The following UBE2E2 variants were observed in gnomAD, a reference collection of about 807,000 sequenced individuals.
UBE2E2 encodes the protein ubiquitin-conjugating enzyme E2 E2.
Under a neutral mutation model 24.7 loss-of-function variants are expected in UBE2E2, and 6 were observed. The ratio of observed to expected loss-of-function variants is 0.24; its 90% CI spans 0.13 to 0.48. The LOEUF (loss-of-function observed/expected upper bound fraction) is 0.48. Ranked by LOEUF, UBE2E2 falls within the 20% of genes least tolerant of loss-of-function variation. The probability of loss-of-function intolerance (pLI) is 0.99; values close to 1 mark genes in which losing one functional copy is unlikely to be tolerated. For missense variants in UBE2E2, 169 were observed against 245.0 expected (o/e 0.69, Z 2.07); for synonymous variants, 104 against 83.6 (o/e 1.24, Z -1.33).
intron 3 of UBE2E2, among the ~76,000 whole-genome samples, chr3:23,418,322 C>T (rs1343931067): frequency 6.6e-6 from 1 of 152,176 alleles, no homozygotes; most frequent in Non-Finnish European, 1.5e-5. Flanking sequence ...AGTTCCTGGA[C>T]TCCATGTGCT....
At chr3:23,588,605 A>G (rs564799801) in intron 5 of UBE2E2, among the ~76,000 whole-genome samples, 9 of 151,718 alleles carry the variant, frequency 5.9e-5, no homozygotes, top group Admixed American at 1.3e-4. Flanking sequence ...CGTTGACCCA[A>G]TCAATATTCT....
chr3:23,535,970 G>C (rs975102733), intron 5 of UBE2E2, among the ~76,000 whole-genome samples: 7 of 152,228 alleles, frequency 4.6e-5, no homozygotes, highest in African/African-American at 1.7e-4. Flanking sequence ...GTTTAGTCTT[G>C]CTTACTAAAC....
At chr3:23,400,322 T>C (rs1035032915) in intron 3 of UBE2E2, among the ~76,000 whole-genome samples, 2 of 152,188 alleles carry the variant, frequency 1.3e-5, no homozygotes, top group African/African-American at 4.8e-5. Flanking sequence ...TAAAAAGGAA[T>C]GAAGCTAGCC....
At chr3:23,259,607 T>C (rs1697842321) in intron 3 of UBE2E2, among the ~76,000 whole-genome samples, 1 of 151,982 alleles carries the variant, frequency 6.6e-6, no homozygotes, top group African/African-American at 2.4e-5. Flanking sequence ...AATATTGTAA[T>C]TTTTCTTGGA....
chr3:23,208,291 A>T (rs1696207230), intron 1 of UBE2E2, among the ~76,000 whole-genome samples: 1 of 152,066 alleles, frequency 6.6e-6, no homozygotes, highest in South Asian at 2.1e-4. Flanking sequence ...GGCTTCTTTC[A>T]CTTACCAGAA....
chr3:23,591,154 C>T lies in UBE2E2; in HGVS notation c.*1323C>T, dbSNP rs1696751047. 6.6e-6 allele frequency: 1 copy of T among 152,126 alleles called. No individual in the cohort carries two copies. The highest frequency in any genetic ancestry group is 6.5e-5 in the Admixed American group (1 of 15,268). 9.4% of individuals were successfully genotyped at this position (152,126 alleles called of 1,614,324 possible). A position where few individuals can be genotyped will look rare whatever the true frequency, so the allele number is the denominator to read the frequency against. On this transcript the variant is annotated 3_prime_UTR_variant, in exon 6 of 6. Transcript: ENST00000396703. Reference sequence around the variant, plus strand: ...AGAGGAAACGTGGGTGGTGTAGTTTCTAAAACACGCTGACTTGCTGATTGA... The same window carrying T: ...AGAGGAAACGTGGGTGGTGTAGTTTTTAAAACACGCTGACTTGCTGATTGA...
chr3:23,532,542 A>G lies in UBE2E2; in HGVS notation c.361-12A>G. ...TTTGTCTAACAAAATATAACTTTAC[A>G]TTTTCTTGTAGGTTACCTTCCGAAC... On this transcript the variant is annotated splice_polypyrimidine_tract_variant and intron_variant, in intron 4 of 5. Coordinates refer to ENST00000396703, the MANE Select transcript of UBE2E2 (RefSeq NM_152653.4). 1 of 1,502,408 alleles carries G rather than the reference A, an allele frequency of 6.7e-7. No individual in the cohort carries two copies. The highest frequency in any genetic ancestry group is 9.0e-7 in the Non-Finnish European group (1 of 1,105,608). 93.1% of individuals were successfully genotyped at this position (1,502,408 alleles called of 1,614,324 possible). A position where few individuals can be genotyped will look rare whatever the true frequency, so the allele number is the denominator to read the frequency against.
At chr3:23,281,464 C>T (rs148903745) in intron 3 of UBE2E2, among the ~76,000 whole-genome samples, 1 of 152,074 alleles carries the variant, frequency 6.6e-6, no homozygotes, top group Non-Finnish European at 1.5e-5. Context: ...GAACTTGTCT[C>T]TACAAAAAAT....
At chr3:23,565,311 C>G (rs1049204060) in intron 5 of UBE2E2, among the ~76,000 whole-genome samples, 1 of 151,972 alleles carries the variant, frequency 6.6e-6, no homozygotes, top group Non-Finnish European at 1.5e-5. Context: ...AGATGCAAGC[C>G]GGATTTCCAC....
chr3:23,225,183 T>C (rs1315788184), intron 3 of UBE2E2, among the ~76,000 whole-genome samples: 1 of 152,128 alleles, frequency 6.6e-6, no homozygotes, highest in Non-Finnish European at 1.5e-5. Flanking sequence ...AAATACATTT[T>C]GGATATAAGT....
intron 5 of UBE2E2, among the ~76,000 whole-genome samples, chr3:23,543,892 T>C (rs796231096): frequency 6.6e-5 from 10 of 152,210 alleles, no homozygotes; most frequent in African/African-American, 1.9e-4. Flanking sequence ...GAACAGAATA[T>C]TGAACCCAGA....
intron 1 of UBE2E2, among the ~76,000 whole-genome samples, chr3:23,206,418 G>C (rs1199442040): frequency 6.6e-6 from 1 of 152,188 alleles, no homozygotes; most frequent in Non-Finnish European, 1.5e-5. Context: ...AAATTTCAGT[G>C]TTCTATTAAG....
At chr3:23,328,527 G>A (rs550241498) in intron 3 of UBE2E2, among the ~76,000 whole-genome samples, 9 of 152,292 alleles carry the variant, frequency 5.9e-5, no homozygotes, top group Middle Eastern at 3.4e-3. Context: ...TGATGTTTTA[G>A]TAGGTTAGGT....
At chr3:23,353,053 A>T (rs993554915) in intron 3 of UBE2E2, among the ~76,000 whole-genome samples, 1 of 152,248 alleles carries the variant, frequency 6.6e-6, no homozygotes, top group Non-Finnish European at 1.5e-5. Context: ...AGTGGGCTTC[A>T]TCCCTGGGAT....
At chr3:23,223,309 C>T (rs1169424510) in intron 3 of UBE2E2, among the ~76,000 whole-genome samples, 2 of 151,696 alleles carry the variant, frequency 1.3e-5, no homozygotes, top group Non-Finnish European at 2.9e-5. Context: ...TCTTCTGCCT[C>T]AGCCTCCTGA....
At position 23,551,333 on chromosome 3, in the gene UBE2E2, A is replaced by G. The variant is rs115464952; in HGVS notation, c.508+18632A>G. Among the ~76,000 whole-genome samples the G allele has an allele frequency of 5.8e-3, 881 of 152,338 alleles. 2 individuals are homozygous for G. The highest frequency in any genetic ancestry group is 9.6e-3 in the Non-Finnish European group (652 of 68,032). On this transcript the variant is annotated intron_variant, in intron 5 of 5. Coordinates refer to ENST00000396703, the MANE Select transcript of UBE2E2 (RefSeq NM_152653.4). ...ATTATAACTTTGGTAAGTATTCTCA[A>G]ATTGATTTAGTTCTTAACTTCATGA...
At chr3:23,563,800 T>G (rs1695994743) in intron 5 of UBE2E2, among the ~76,000 whole-genome samples, 1 of 152,104 alleles carries the variant, frequency 6.6e-6, no homozygotes, top group South Asian at 2.1e-4. Flanking sequence ...TTAATATTAT[T>G]TGCCCCAAGT....
intron 2 of UBE2E2, 35 bp downstream of exon 2, chr3:23,208,910 A>T: frequency 2.6e-6 from 4 of 1,544,136 alleles, no homozygotes; most frequent in Non-Finnish European, 3.5e-6. Flanking sequence ...TATTGTTGGT[A>T]TCAATTTATC....
chr3:23,262,610 T>G (rs554114536), intron 3 of UBE2E2, among the ~76,000 whole-genome samples: 3 of 143,338 alleles, frequency 2.1e-5, no homozygotes, highest in African/African-American at 7.8e-5. Context: ...TTATGTGGGG[T>G]TTTTTTTTTT....
Sources: gnomAD v4.1 joint callset for allele counts (sites outside exome capture counted in the v4.1 genomes callset) on GRCh38, gnomAD v4.1.1 for gene constraint, MANE v1.5 for transcripts, NCBI Gene and HGNC (gene_info 2026-07-23, HGNC 2026-07-21) for gene names.